CCDC178: variants seen among roughly 807,000 people sequenced by gnomAD.
CCDC178 encodes coiled-coil domain-containing protein 178.
CCDC178 carries 126 observed loss-of-function variants against 117.4 expected under a neutral mutation model. The ratio of observed to expected loss-of-function variants is 1.07; its 90% confidence interval spans 0.93 to 1.24. The LOEUF is 1.24. Ranked by LOEUF, CCDC178 falls within the 50% of genes most tolerant of loss-of-function variation. CCDC178 has a pLI of 0.00. For synonymous variants in CCDC178, 283 were observed against 313.4 expected, an observed-to-expected ratio of 0.90 and a Z score of 1.02; for missense variants, 1,030 against 986.9, an observed-to-expected ratio of 1.04 and a Z score of -0.59.
At chr18:33,364,789 G>C (rs1431906952) in intron 6 of CCDC178, among the ~76,000 whole-genome samples, 2 of 144,244 alleles carry the variant, frequency 1.4e-5, no homozygotes, top group African/African-American at 5.2e-5. Flanking sequence ...AAGATTTAGA[G>C]GTTTGAACAA....
chr18:32,977,652 T>A (rs1369243443), intron 21 of CCDC178, among the ~76,000 whole-genome samples: 1 of 152,186 alleles, frequency 6.6e-6, no homozygotes, highest in African/African-American at 2.4e-5. Context: ...GGCTGTAGGA[T>A]GAACTCTTAG....
intron 18 of CCDC178, among the ~76,000 whole-genome samples, chr18:33,219,524 T>C (rs534053066): frequency 6.6e-6 from 1 of 151,968 alleles, no homozygotes; most frequent in Non-Finnish European, 1.5e-5. Flanking sequence ...TTGGAACCAA[T>C]CCAAATGTCC....
chr18:33,334,630 T>G (rs934621934), intron 9 of CCDC178, among the ~76,000 whole-genome samples: 2 of 152,048 alleles, frequency 1.3e-5, no homozygotes, highest in African/African-American at 4.8e-5. Context: ...GCATTTATAC[T>G]TGTAATTTTG....
intron 20 of CCDC178, among the ~76,000 whole-genome samples, chr18:33,103,616 A>C (rs1372162182): frequency 1.3e-5 from 2 of 151,644 alleles, no homozygotes; most frequent in Non-Finnish European, 2.9e-5. Context: ...TGAGCTTTGT[A>C]AGTACTCTCA....
At chr18:33,424,689 G>T (rs565200365) in intron 2 of CCDC178, among the ~76,000 whole-genome samples, 3 of 152,326 alleles carry the variant, frequency 2.0e-5, no homozygotes. Flanking sequence ...TTAAGCTGCT[G>T]ACCTTAAAGG....
chr18:32,981,496 A>C (rs2055154226), intron 21 of CCDC178, among the ~76,000 whole-genome samples: 1 of 152,218 alleles, frequency 6.6e-6, no homozygotes, highest in Non-Finnish European at 1.5e-5. Flanking sequence ...CTTATAGTTT[A>C]TATATAACTC....
intron 21 of CCDC178, among the ~76,000 whole-genome samples, chr18:32,988,328 C>T (rs1425814577): frequency 2.0e-5 from 3 of 146,966 alleles, no homozygotes; most frequent in African/African-American, 5.0e-5. Flanking sequence ...CCCAGATACT[C>T]GGGAGGCTGA....
chr18:32,973,757 T>G (rs908558226), intron 22 of CCDC178, among the ~76,000 whole-genome samples: 1 of 152,130 alleles, frequency 6.6e-6, no homozygotes, highest in Non-Finnish European at 1.5e-5. Flanking sequence ...CAGCATTCAT[T>G]TCATATTACT....
At chr18:33,387,033 T>C (rs756629244) in intron 5 of CCDC178, among the ~76,000 whole-genome samples, 3 of 152,000 alleles carry the variant, frequency 2.0e-5, no homozygotes, top group Non-Finnish European at 2.9e-5. Context: ...GGATACAAAA[T>C]CAATGTGCAG....
chr18:33,414,890 G>A (rs2063911511), intron 2 of CCDC178, among the ~76,000 whole-genome samples: 1 of 152,178 alleles, frequency 6.6e-6, no homozygotes, highest in Non-Finnish European at 1.5e-5. Context: ...AGTGGGCTAA[G>A]GATATGAACA....
chr18:33,138,340 C>A (rs1267912424), intron 20 of CCDC178, among the ~76,000 whole-genome samples: 6 of 152,166 alleles, frequency 3.9e-5, no homozygotes, highest in Non-Finnish European at 8.8e-5. Flanking sequence ...ATCTCCACCT[C>A]ATGAGGTACA....
intron 21 of CCDC178, among the ~76,000 whole-genome samples, chr18:33,084,535 G>A (rs1243765184): frequency 5.3e-5 from 8 of 151,992 alleles, no homozygotes; most frequent in South Asian, 2.1e-4. Flanking sequence ...ATTAACGGCC[G>A]AGCACAGTGG....
chr18:33,367,957 G>T (rs1483984758), intron 6 of CCDC178, among the ~76,000 whole-genome samples: 2 of 151,754 alleles, frequency 1.3e-5, no homozygotes, highest in Non-Finnish European at 2.9e-5. Context: ...TGAAATTTTT[G>T]TCTAGAAGTG....
At chr18:33,129,318 A>T (rs2058044535) in intron 20 of CCDC178, among the ~76,000 whole-genome samples, 1 of 152,120 alleles carries the variant, frequency 6.6e-6, no homozygotes, top group African/African-American at 2.4e-5. Context: ...TATTAAAAGG[A>T]TTTAATGGGA....
intron 12 of CCDC178, among the ~76,000 whole-genome samples, chr18:33,285,100 T>A (rs1000887857): frequency 1.3e-5 from 2 of 152,194 alleles, no homozygotes; most frequent in South Asian, 2.1e-4. Flanking sequence ...CGTTTCTTTT[T>A]AAATAAATTA....
intron 6 of CCDC178, among the ~76,000 whole-genome samples, chr18:33,366,641 A>C (rs892711302): frequency 6.6e-6 from 1 of 152,018 alleles, no homozygotes; most frequent in South Asian, 2.1e-4. Context: ...CGTGGTTTTT[A>C]ATGTATTTAC....
chr18:33,149,494 T>C (rs2058315236), intron 20 of CCDC178, among the ~76,000 whole-genome samples: 2 of 152,188 alleles, frequency 1.3e-5, no homozygotes. Context: ...GAAAGCTAGT[T>C]CTCTTCAGCA....
intron 20 of CCDC178, among the ~76,000 whole-genome samples, chr18:33,138,336 A>G (rs965219854): frequency 6.6e-6 from 1 of 152,146 alleles, no homozygotes; most frequent in Non-Finnish European, 1.5e-5. Flanking sequence ...GGGCATCTCC[A>G]CCTCATGAGG....
At chr18:33,280,589 C>T (rs1308854248) in intron 12 of CCDC178, among the ~76,000 whole-genome samples, 2 of 151,718 alleles carry the variant, frequency 1.3e-5, no homozygotes, top group Non-Finnish European at 2.9e-5. Flanking sequence ...TTGACCCAGC[C>T]ATCCCATTAC....
Sources: allele counts gnomAD v4.1 joint callset (sites outside exome capture counted in the v4.1 genomes callset), GRCh38; gene constraint gnomAD v4.1.1; transcripts MANE v1.5; gene names NCBI Gene and HGNC (gene_info 2026-07-23, HGNC 2026-07-21).